PARP8: variants seen among roughly 807,000 people sequenced by gnomAD.
PARP8 encodes poly(ADP-ribose) polymerase family member 8, also known as protein mono-ADP-ribosyltransferase PARP8.
In PARP8, 51 loss-of-function variants were observed where a neutral mutation model predicts 124.1. That is an observed-to-expected ratio of 0.41 (90% CI 0.33 to 0.52). The LOEUF is 0.52. Ranked by LOEUF, PARP8 falls within the 20% of genes least tolerant of loss-of-function variation. The probability of loss-of-function intolerance (pLI) is 0.21; values close to 1 mark genes in which losing one functional copy is unlikely to be tolerated. For missense variants in PARP8, 860 were observed against 1,018.9 expected (o/e 0.84, Z 2.12); for synonymous variants, 391 against 361.5 (o/e 1.08, Z -0.93).
chr5:50,695,159 A>G (rs1301712197), intron 2 of PARP8, among the ~76,000 whole-genome samples: 1 of 152,190 alleles, frequency 6.6e-6, no homozygotes, highest in East Asian at 1.9e-4. Flanking sequence ...AATCAAGTTG[A>G]CACTTAATAT....
At chr5:50,805,263 A>G (rs1033758993) in intron 14 of PARP8, among the ~76,000 whole-genome samples, 2 of 152,126 alleles carry the variant, frequency 1.3e-5, no homozygotes, top group Admixed American at 1.3e-4. Flanking sequence ...TAAATATGAA[A>G]ATAATGATTG....
At chr5:50,839,205 G>T (rs926692512) in intron 25 of PARP8, among the ~76,000 whole-genome samples, 2 of 151,444 alleles carry the variant, frequency 1.3e-5, no homozygotes, top group Non-Finnish European at 2.9e-5. Context: ...TTAATTTTTC[G>T]TTAAAATTTT....
In PARP8 at chr5:50,763,229, G is replaced by T; in HGVS notation, c.505G>T (p.Ala169Ser). 1 of 1,609,452 alleles carries T rather than the reference G, an allele frequency of 6.2e-7. No individual in the cohort carries two copies. Among genetic ancestry groups the T allele is most frequent in the Non-Finnish European group, 8.5e-7 (1 of 1,175,860 alleles). ...AGTTAGAGAGATATATGGGCCACAT[G>T]CAGTTTCTCTCAGGTAAATAAGTAT... ...SAVREIYGPHAVSLREYGAID... is the reference protein window; with the variant it reads ...SAVREIYGPHSVSLREYGAID... The change falls in exon 7 of 26, where the codon GCA (alanine) becomes TCA (serine). Residue 169 changes from alanine to serine, a missense_variant. Physicochemically the swap from Ala to Ser is moderately conservative, Grantham distance 99. Around this residue, in one of 2 missense-constraint regions of PARP8, gnomAD observed 517 missense variants for 544.2 expected, o/e 0.95. Transcript: ENST00000281631.
intron 2 of PARP8, among the ~76,000 whole-genome samples, chr5:50,672,579 TA>T (rs1236129876): frequency 1.3e-5 from 2 of 152,182 alleles, no homozygotes; most frequent in Non-Finnish European, 2.9e-5. Flanking sequence ...CAAATACTTT[TA>T]GGGGACAGAT....
rs374675045 is a variant in PARP8 at position 50,735,956 on chromosome 5, T to TCCC, written c.147-14186_147-14184dup. Among the ~76,000 whole-genome samples, 183 of 134,406 alleles carry TCCC rather than the reference T, an allele frequency of 1.4e-3. 3 individuals carry two copies. Among genetic ancestry groups the TCCC allele is most frequent in the East Asian group, 5.8e-3 (26 of 4,490 alleles). The allele number at this position is 134,406 out of a possible 152,430, so 88.2% of individuals were successfully genotyped here. On this transcript the variant is annotated intron_variant, in intron 2 of 25. Coordinates refer to ENST00000281631, the MANE Select transcript of PARP8 (RefSeq NM_024615.4). ...GATCAAGCCAGGAGATCTAGGGGATTCCCCCCCCCCCTTTTATTAGTGAAT... is the reference window on the plus strand; with the variant it reads ...GATCAAGCCAGGAGATCTAGGGGATTCCCCCCCCCCCCCCTTTTATTAGTGAAT...
intron 22 of PARP8, among the ~76,000 whole-genome samples, chr5:50,832,378 G>A (rs1747078696): frequency 6.6e-6 from 1 of 152,106 alleles, no homozygotes; most frequent in Middle Eastern, 3.4e-3. Flanking sequence ...TAGAATTTAA[G>A]AACAAATAAC....
At chr5:50,796,519 A>C (rs1742575886) in intron 12 of PARP8, among the ~76,000 whole-genome samples, 2 of 152,196 alleles carry the variant, frequency 1.3e-5, no homozygotes, top group African/African-American at 4.8e-5. Flanking sequence ...CATTCTGTAA[A>C]AGAAAATGCC....
At chr5:50,822,878 G>A (rs1745921804) in intron 17 of PARP8, among the ~76,000 whole-genome samples, 1 of 152,162 alleles carries the variant, frequency 6.6e-6, no homozygotes. Context: ...TGGTCATTAA[G>A]GGAGGCTTTG....
intron 7 of PARP8, among the ~76,000 whole-genome samples, chr5:50,769,217 C>A (rs1037891085): frequency 6.6e-6 from 1 of 151,340 alleles, no homozygotes; most frequent in East Asian, 1.9e-4. Flanking sequence ...ATGGTAAATT[C>A]TGTTGAAGTA....
At chr5:50,838,314 A>G (rs1444964564) in intron 25 of PARP8, among the ~76,000 whole-genome samples, 3 of 152,008 alleles carry the variant, frequency 2.0e-5, no homozygotes, top group Non-Finnish European at 2.9e-5. Context: ...TTTTGTCCCA[A>G]TGCCTTTATT....
At chr5:50,743,909 A>C (rs12652486) in intron 2 of PARP8, among the ~76,000 whole-genome samples, 1 of 152,198 alleles carries the variant, frequency 6.6e-6, no homozygotes, top group Admixed American at 6.5e-5. Context: ...GTGGGATCTA[A>C]CTGGGAGGGA....
intron 2 of PARP8, among the ~76,000 whole-genome samples, chr5:50,712,668 T>C (rs1397889664): frequency 6.6e-6 from 1 of 151,876 alleles, no homozygotes. Flanking sequence ...AGAGCAGGGA[T>C]GAGATAAAGC....
Position 50,763,181 on chromosome 5 carries a change from C to T in PARP8, c.457C>T (p.Gln153Ter). The change falls in exon 7 of 26, where the codon CAA (glutamine) becomes TAA (stop). Residue 153 changes from glutamine to a stop codon, truncating the protein, a stop_gained. Coordinates refer to ENST00000281631, the MANE Select transcript of PARP8 (RefSeq NM_024615.4). LOFTEE classifies it high-confidence loss of function. ...TGATGGGGAACTGCACAAGCACCCA[C>T]AACTGGAAGCTGATTTGTCAGCAGT... is the stretch of plus-strand genomic sequence containing the variant. Reference protein sequence around the residue: ...NYDGELHKHPQLEADLSAVRE... With the variant: ...NYDGELHKHP 1 of 1,613,758 alleles carries T rather than the reference C, an allele frequency of 6.2e-7. No homozygotes were observed.
chr5:50,716,307 A>C (rs1010042796), intron 2 of PARP8, among the ~76,000 whole-genome samples: 6 of 152,144 alleles, frequency 3.9e-5, no homozygotes, highest in African/African-American at 1.4e-4. Flanking sequence ...CAAAGTTCCA[A>C]CAAATTGAGT....
chr5:50,670,526 A>T (rs901250274), intron 2 of PARP8, among the ~76,000 whole-genome samples: 9 of 152,374 alleles, frequency 5.9e-5, no homozygotes, highest in African/African-American at 1.7e-4. Flanking sequence ...GATAATAAGA[A>T]ATGCCAAGAG....
intron 2 of PARP8, chr5:50,739,063 GGAGGAGCAAGA>G (rs1433388785): frequency 1.4e-6 from 1 of 702,380 alleles, no homozygotes; most frequent in African/African-American, 1.7e-5. Flanking sequence ...TTCACATCTA[GGAGGAGCAAGA>G]GACTTCCCAC....
chr5:50,781,719 T>G (rs185925311), intron 9 of PARP8, among the ~76,000 whole-genome samples: 1,670 of 152,254 alleles, frequency 0.011, 18 homozygotes, highest in Middle Eastern at 0.024. Context: ...TACTTGGCAG[T>G]TTTTTTAATC....
intron 3 of PARP8, among the ~76,000 whole-genome samples, chr5:50,757,570 T>C (rs1301163541): frequency 6.6e-6 from 1 of 152,144 alleles, no homozygotes; most frequent in African/African-American, 2.4e-5. Flanking sequence ...GGGTTCTAAT[T>C]CCTAAACACT....
chr5:50,732,836 T>C (rs1757105868), intron 2 of PARP8, among the ~76,000 whole-genome samples: 1 of 151,880 alleles, frequency 6.6e-6, no homozygotes, highest in South Asian at 2.1e-4. Flanking sequence ...GCAAGGATGG[T>C]CTCGATCTCC....
Sources: allele counts gnomAD v4.1 joint callset (sites outside exome capture counted in the v4.1 genomes callset), GRCh38; gene constraint gnomAD v4.1.1; regional missense constraint gnomAD v4.1.1; transcripts MANE v1.5; gene names NCBI Gene and HGNC (gene_info 2026-07-23, HGNC 2026-07-21).